TMEM108: variants seen among roughly 807,000 people sequenced by gnomAD.
The protein encoded by TMEM108 is cancer/testis antigen 124.
A neutral mutation model predicts 35.1 loss-of-function variants in TMEM108; 12 were observed. That is an observed-to-expected ratio of 0.34 (90% CI 0.22 to 0.55). TMEM108 has a LOEUF of 0.55. TMEM108 is among the 20% of genes least tolerant of loss of function. The pLI, the probability that TMEM108 is intolerant of heterozygous loss-of-function variation, is 0.89. For missense variants in TMEM108, 680 were observed against 753.3 expected (o/e 0.90, Z 1.14); for synonymous variants, 287 against 308.6 (o/e 0.93, Z 0.73).
At chr3:133,160,854 G>A (rs1373330440) in intron 2 of TMEM108, among the ~76,000 whole-genome samples, 1 of 152,070 alleles carries the variant, frequency 6.6e-6, no homozygotes, top group Non-Finnish European at 1.5e-5. Flanking sequence ...AGACTTCTTT[G>A]GGGGGTGGTT....
chr3:133,192,219 T>TCC (rs1286966961), intron 2 of TMEM108, among the ~76,000 whole-genome samples: 4 of 152,162 alleles, frequency 2.6e-5, no homozygotes, highest in Admixed American at 6.5e-5. Flanking sequence ...CAGCTTGGGT[T>TCC]ATTGAAAGAG....
At chr3:133,288,632 C>A (rs556191424) in intron 3 of TMEM108, among the ~76,000 whole-genome samples, 3 of 152,180 alleles carry the variant, frequency 2.0e-5, no homozygotes, top group Non-Finnish European at 2.9e-5. Flanking sequence ...TGCTTCCCTG[C>A]AGAGGAGGCA....
chr3:133,098,168 A>G (rs1944040586), intron 2 of TMEM108, among the ~76,000 whole-genome samples: 1 of 152,216 alleles, frequency 6.6e-6, no homozygotes, highest in East Asian at 1.9e-4. Context: ...ATGGCTGGGG[A>G]GGCCTCAGAA....
intron 2 of TMEM108, among the ~76,000 whole-genome samples, chr3:133,078,002 A>G (rs1303235326): frequency 6.6e-6 from 1 of 152,086 alleles, no homozygotes; most frequent in Non-Finnish European, 1.5e-5. Context: ...AGACTTTTAT[A>G]CAAACTAAAA....
chr3:133,053,377 T>C (rs1034075973), intron 2 of TMEM108, among the ~76,000 whole-genome samples: 1 of 152,240 alleles, frequency 6.6e-6, no homozygotes, highest in African/African-American at 2.4e-5. Context: ...TTACTTTTTT[T>C]CTCTGTGATT....
intron 5 of TMEM108, among the ~76,000 whole-genome samples, chr3:133,394,154 T>C (rs1369839111): frequency 1.3e-5 from 2 of 152,208 alleles, no homozygotes; most frequent in Non-Finnish European, 2.9e-5. Context: ...ACACACACAC[T>C]GCTGACCATC....
intron 2 of TMEM108, among the ~76,000 whole-genome samples, chr3:133,128,215 C>T (rs1014766793): frequency 6.6e-6 from 1 of 152,174 alleles, no homozygotes; most frequent in Non-Finnish European, 1.5e-5. Flanking sequence ...CTGGCACTTG[C>T]AAGGGACATC....
intron 3 of TMEM108, among the ~76,000 whole-genome samples, chr3:133,239,744 A>G (rs1946287166): frequency 6.6e-6 from 1 of 152,176 alleles, no homozygotes; most frequent in African/African-American, 2.4e-5. Context: ...TAGACTTATG[A>G]AGGGCTATCC....
intron 3 of TMEM108, among the ~76,000 whole-genome samples, chr3:133,279,258 C>A (rs35318872): frequency 2.0e-5 from 3 of 152,232 alleles, no homozygotes; most frequent in Non-Finnish European, 2.9e-5. Context: ...TGGTGTACGA[C>A]AATCAGCTAT....
At chr3:133,229,055 T>TA (rs1305666201) in intron 2 of TMEM108, among the ~76,000 whole-genome samples, 1 of 152,144 alleles carries the variant, frequency 6.6e-6, no homozygotes, top group East Asian at 1.9e-4. Context: ...TTCAGTGGGG[T>TA]GTATAGTTTC....
chr3:133,242,264 C>G (rs1946324563), intron 3 of TMEM108, among the ~76,000 whole-genome samples: 1 of 152,184 alleles, frequency 6.6e-6, no homozygotes. Flanking sequence ...ATTCAATCAA[C>G]TACACTGTGA....
At chr3:133,387,858 T>C in intron 4 of TMEM108, 10 of 985,476 alleles carry the variant, frequency 1.0e-5, no homozygotes, top group Non-Finnish European at 7.2e-6. Flanking sequence ...CCCTATTGAC[T>C]AGGCCTAAGA....
At chr3:133,306,550 T>C (rs892514578) in intron 3 of TMEM108, among the ~76,000 whole-genome samples, 1 of 152,114 alleles carries the variant, frequency 6.6e-6, no homozygotes, top group East Asian at 1.9e-4. Context: ...CAGTGTGTGA[T>C]GTTCACCGCC....
At chr3:133,133,156 T>A (rs1409421845) in intron 2 of TMEM108, among the ~76,000 whole-genome samples, 1 of 150,842 alleles carries the variant, frequency 6.6e-6, no homozygotes, top group Non-Finnish European at 1.5e-5. Flanking sequence ...ACTTAGTTGA[T>A]GCAGCAGCAG....
intron 2 of TMEM108, among the ~76,000 whole-genome samples, chr3:133,212,181 C>T (rs942952177): frequency 3.9e-5 from 6 of 152,156 alleles, no homozygotes; most frequent in South Asian, 2.1e-4. Flanking sequence ...GAAAGCCTCT[C>T]TAAATCAGGA....
At chr3:133,256,220 A>G (rs1446460665) in intron 3 of TMEM108, among the ~76,000 whole-genome samples, 1 of 152,240 alleles carries the variant, frequency 6.6e-6, no homozygotes, top group Non-Finnish European at 1.5e-5. Flanking sequence ...GGAATTAAAG[A>G]TCTGATCAAA....
At chr3:133,277,369 G>C (rs7624059) in intron 3 of TMEM108, among the ~76,000 whole-genome samples, 146,850 of 152,306 alleles carry the variant, frequency 0.96, 70,976 homozygotes, top group East Asian at 1. Context: ...AAAAAGTTAC[G>C]TATTAGTAAA....
chr3:133,287,117 T>C (rs535261847), intron 3 of TMEM108, among the ~76,000 whole-genome samples: 2 of 152,280 alleles, frequency 1.3e-5, no homozygotes, highest in African/African-American at 4.8e-5. Flanking sequence ...GCTACTAGAA[T>C]TGAGGCTGTG....
At chr3:133,144,895 A>C (rs1190025489) in intron 2 of TMEM108, among the ~76,000 whole-genome samples, 1 of 151,792 alleles carries the variant, frequency 6.6e-6, no homozygotes, top group Non-Finnish European at 1.5e-5. Flanking sequence ...GATTGCAAAA[A>C]TTTTCTCCCA....
Sources: allele counts gnomAD v4.1 joint callset (sites outside exome capture counted in the v4.1 genomes callset), GRCh38; gene constraint gnomAD v4.1.1; transcripts MANE v1.5; gene names NCBI Gene and HGNC (gene_info 2026-07-23, HGNC 2026-07-21).